The following GRIK4 variants were observed in gnomAD, a reference collection of about 807,000 sequenced individuals.
GRIK4 encodes the protein glutamate receptor ionotropic, kainate 4.
Under a neutral mutation model 104.9 loss-of-function variants are expected in GRIK4, and 40 were observed. That is an observed-to-expected ratio of 0.38 (90% CI 0.30 to 0.50). The LOEUF is 0.50. Ranked by LOEUF, GRIK4 falls within the 20% of genes least tolerant of loss-of-function variation. The pLI, the probability that GRIK4 is intolerant of heterozygous loss-of-function variation, is 0.93. For missense variants in GRIK4, 1,047 were observed against 1,308.1 expected (o/e 0.80, Z 3.08); for synonymous variants, 485 against 524.9 (o/e 0.92, Z 1.04).
At chr11:120,766,695 G>A (rs1232393671) in intron 3 of GRIK4, among the ~76,000 whole-genome samples, 1 of 152,016 alleles carries the variant, frequency 6.6e-6, no homozygotes, top group African/African-American at 2.4e-5. Flanking sequence ...GGCTTCCCTT[G>A]GCTAGGGGAG....
chr11:120,796,665 C>T (rs969638242), intron 3 of GRIK4, among the ~76,000 whole-genome samples: 2 of 152,076 alleles, frequency 1.3e-5, no homozygotes, highest in Non-Finnish European at 2.9e-5. Flanking sequence ...TGGGCCAGTC[C>T]AGGACTGTAC....
intron 11 of GRIK4, among the ~76,000 whole-genome samples, chr11:120,882,258 G>C (rs924334504): frequency 1.3e-5 from 2 of 152,234 alleles, no homozygotes; most frequent in Non-Finnish European, 2.9e-5. Context: ...GGGGAAGGCA[G>C]CTCTGAGAGT....
intron 16 of GRIK4, among the ~76,000 whole-genome samples, chr11:120,957,770 A>T (rs1336054500): frequency 6.6e-6 from 1 of 152,186 alleles, no homozygotes; most frequent in Non-Finnish European, 1.5e-5. Flanking sequence ...GGAAAAGGAA[A>T]GGTGATGTTT....
At chr11:120,929,453 C>T (rs895021240) in intron 13 of GRIK4, among the ~76,000 whole-genome samples, 7 of 152,140 alleles carry the variant, frequency 4.6e-5, no homozygotes, top group Admixed American at 2.6e-4. Context: ...TCAATAGGTG[C>T]GGGTGGGAGG....
intron 19 of GRIK4, among the ~76,000 whole-genome samples, chr11:120,970,796 T>G (rs1211641943): frequency 5.9e-5 from 9 of 152,152 alleles, no homozygotes; most frequent in Admixed American, 5.9e-4. Context: ...TGGAGCTCAT[T>G]AAATGTTTAC....
chr11:120,843,605 GAC>G (rs891588288), intron 8 of GRIK4, among the ~76,000 whole-genome samples: 46 of 152,194 alleles, frequency 3.0e-4, no homozygotes, highest in African/African-American at 1.0e-3. Flanking sequence ...TCTAGCAGGA[GAC>G]ACAGTTTTAT....
chr11:120,827,781 C>T (rs1953306787), intron 6 of GRIK4, among the ~76,000 whole-genome samples: 1 of 152,202 alleles, frequency 6.6e-6, no homozygotes. Flanking sequence ...GTTCGACTTT[C>T]CATCCACTGG....
chr11:120,940,482 C>T lies in GRIK4; in HGVS notation c.1590+22C>T, dbSNP rs146330359. The T allele has an allele frequency of 2.2e-4, 279 of 1,286,502 alleles. 2 individuals are homozygous for T. In the East Asian group the frequency reaches 5.3e-3, roughly 25 times the overall value. 79.7% of individuals were successfully genotyped at this position (1,286,502 alleles called of 1,614,324 possible). ...TATGGTAAGAGACTTATTTTATAAGCATTTATGTCATTAAAGTTATTTGCA... is the reference window on the plus strand; with the variant it reads ...TATGGTAAGAGACTTATTTTATAAGTATTTATGTCATTAAAGTTATTTGCA... On this transcript the variant is annotated intron_variant, in intron 14 of 20. Transcript: ENST00000527524. The surrounding 1 kb of genome is among the most constrained non-coding windows in gnomAD (Gnocchi z 4.3).
chr11:120,925,755 G>A (rs1470640649), intron 13 of GRIK4, among the ~76,000 whole-genome samples: 2 of 152,118 alleles, frequency 1.3e-5, no homozygotes, highest in Non-Finnish European at 2.9e-5. Flanking sequence ...GTGATCACCT[G>A]AGGTCGGGAG....
intron 7 of GRIK4, among the ~76,000 whole-genome samples, chr11:120,836,015 C>A (rs781710919): frequency 6.6e-6 from 1 of 152,302 alleles, no homozygotes; most frequent in South Asian, 2.1e-4. Flanking sequence ...TCACTTGTTT[C>A]CGACGTCACT....
intron 3 of GRIK4, among the ~76,000 whole-genome samples, chr11:120,710,936 A>G (rs1443793411): frequency 6.6e-6 from 1 of 151,394 alleles, no homozygotes; most frequent in African/African-American, 2.4e-5. Context: ...TGTCATTCCC[A>G]GAAGGCAGTG....
At chr11:120,803,407 T>G (rs1202356881) in intron 4 of GRIK4, among the ~76,000 whole-genome samples, 1 of 152,164 alleles carries the variant, frequency 6.6e-6, no homozygotes, top group Non-Finnish European at 1.5e-5. Context: ...TTGCAAATCT[T>G]GCAGGTTGTT....
intron 1 of GRIK4, among the ~76,000 whole-genome samples, chr11:120,596,737 T>G (rs933878110): frequency 6.6e-6 from 1 of 151,966 alleles, no homozygotes; most frequent in Non-Finnish European, 1.5e-5. Flanking sequence ...TTTTTGTTTT[T>G]TTTTTTAGAC....
chr11:120,727,229 T>C (rs1951045393), intron 3 of GRIK4, among the ~76,000 whole-genome samples: 2 of 152,312 alleles, frequency 1.3e-5, no homozygotes, highest in South Asian at 4.1e-4. Flanking sequence ...TTCTCCAGAC[T>C]GACCTCTCAG....
chr11:120,712,173 G>A (rs1405275013), intron 3 of GRIK4, among the ~76,000 whole-genome samples: 2 of 152,224 alleles, frequency 1.3e-5, no homozygotes, highest in African/African-American at 2.4e-5. Context: ...AACCTGGGGT[G>A]CAGGGGCACC....
chr11:120,963,337 G>A (rs1345766877), intron 18 of GRIK4, among the ~76,000 whole-genome samples: 1 of 152,204 alleles, frequency 6.6e-6, no homozygotes, highest in East Asian at 1.9e-4. Flanking sequence ...TGTCCTAGCT[G>A]TGCTTTTTAA....
chr11:120,811,599 T>C (rs1476704698), intron 4 of GRIK4, among the ~76,000 whole-genome samples: 1 of 152,242 alleles, frequency 6.6e-6, no homozygotes, highest in Non-Finnish European at 1.5e-5. Flanking sequence ...ACATGTAGTC[T>C]TTAATAACAT....
intron 1 of GRIK4, among the ~76,000 whole-genome samples, chr11:120,512,540 T>C (rs1250717571): frequency 6.6e-6 from 1 of 151,914 alleles, no homozygotes; most frequent in Non-Finnish European, 1.5e-5. Context: ...ATGATCCTCT[T>C]TCCCGGGGAG....
chr11:120,781,572 G>A (rs1283099390), intron 3 of GRIK4, among the ~76,000 whole-genome samples: 2 of 152,138 alleles, frequency 1.3e-5, no homozygotes, highest in East Asian at 3.9e-4. Context: ...TGCTGTTCTT[G>A]AACTCTTGAG....
Sources: allele counts gnomAD v4.1 joint callset (sites outside exome capture counted in the v4.1 genomes callset), GRCh38; gene constraint gnomAD v4.1.1; non-coding constraint Gnocchi (gnomAD v3.1); transcripts MANE v1.5; gene names NCBI Gene and HGNC (gene_info 2026-07-23, HGNC 2026-07-21).